The following SRGAP3 variants were observed in gnomAD, a reference collection of about 807,000 sequenced individuals.
SRGAP3 encodes SLIT-ROBO Rho GTPase-activating protein 3.
A neutral mutation model predicts 121.1 loss-of-function variants in SRGAP3; 39 were observed. That is an observed-to-expected ratio of 0.32 (90% CI 0.25 to 0.42). The LOEUF (loss-of-function observed/expected upper bound fraction) is 0.42, where lower values mean the gene tolerates loss of function less well. SRGAP3 is among the 10% of genes least tolerant of loss of function. The pLI, the probability that SRGAP3 is intolerant of heterozygous loss-of-function variation, is 1.00. For missense variants in SRGAP3, 1,213 were observed against 1,470.6 expected, an observed-to-expected ratio of 0.82 and a Z score of 2.86; for synonymous variants, 601 against 570.0, an observed-to-expected ratio of 1.05 and a Z score of -0.77.
intron 1 of SRGAP3, among the ~76,000 whole-genome samples, chr3:9,230,829 C>T (rs1953178905): frequency 6.8e-6 from 1 of 146,596 alleles, no homozygotes; most frequent in African/African-American, 2.5e-5. Flanking sequence ...GGCGCCACTG[C>T]ATTCCAGCCT....
At chr3:9,032,859 T>A (rs1379721754) in intron 11 of SRGAP3, 107 bp from the exon 12 acceptor site, 2 of 1,001,248 alleles carry the variant, frequency 2.0e-6, no homozygotes, top group African/African-American at 3.2e-5. Context: ...AAAATGTAAA[T>A]GGAAGCCCCT....
intron 3 of SRGAP3, among the ~76,000 whole-genome samples, chr3:9,310,605 T>G (rs946276184): frequency 2.0e-5 from 3 of 152,156 alleles, no homozygotes; most frequent in African/African-American, 7.2e-5. Flanking sequence ...GATATAAGGT[T>G]ACAAGGTCTG....
chr3:9,076,592 T>C (rs1946985585), intron 4 of SRGAP3, among the ~76,000 whole-genome samples: 1 of 152,110 alleles, frequency 6.6e-6, no homozygotes, highest in Non-Finnish European at 1.5e-5. Flanking sequence ...TCTCTCTTCC[T>C]CTCATTCCCT....
chr3:9,241,950 C>T (rs889845498), intron 1 of SRGAP3, among the ~76,000 whole-genome samples: 16 of 151,698 alleles, frequency 1.1e-4, no homozygotes, highest in South Asian at 4.2e-4. Flanking sequence ...TGGTGGTGTG[C>T]GCCTATAGTC....
chr3:9,340,310 C>T (rs2596930), intron 1 of SRGAP3, among the ~76,000 whole-genome samples: 20,971 of 152,158 alleles, frequency 0.14, 2,089 homozygotes, highest in East Asian at 0.36. Flanking sequence ...CTCTCTTCCC[C>T]CTCCTGCTTC....
intron 1 of SRGAP3, among the ~76,000 whole-genome samples, chr3:9,352,076 A>G (rs2030199553): frequency 6.6e-6 from 1 of 152,096 alleles, no homozygotes; most frequent in African/African-American, 2.4e-5. Context: ...CTTTAAGGCC[A>G]TCTAATCGAC....
intron 14 of SRGAP3, among the ~76,000 whole-genome samples, chr3:9,021,983 C>T (rs1392694552): frequency 6.6e-6 from 1 of 152,052 alleles, no homozygotes; most frequent in Non-Finnish European, 1.5e-5. Context: ...TGGAAGGGTG[C>T]TGAAGTGGGA....
chr3:9,095,504 T>C (rs917294933), intron 3 of SRGAP3, among the ~76,000 whole-genome samples: 2 of 152,194 alleles, frequency 1.3e-5, no homozygotes, highest in Non-Finnish European at 2.9e-5. Context: ...GGAAAGTATA[T>C]GTTTATGTAT....
chr3:9,016,374 C>T (rs1319328604), intron 14 of SRGAP3, among the ~76,000 whole-genome samples: 1 of 152,100 alleles, frequency 6.6e-6, no homozygotes, highest in East Asian at 1.9e-4. Context: ...TTCTGAAGAG[C>T]CCTGGCCAGT....
chr3:9,039,684 G>T (rs1251893748), intron 10 of SRGAP3, among the ~76,000 whole-genome samples: 1 of 151,860 alleles, frequency 6.6e-6, no homozygotes, highest in Non-Finnish European at 1.5e-5. Flanking sequence ...TCTACTCTCT[G>T]TCTCTACAGA....
chr3:9,280,706 G>A (rs1282951750), intron 3 of SRGAP3, among the ~76,000 whole-genome samples: 1 of 152,160 alleles, frequency 6.6e-6, no homozygotes, highest in Non-Finnish European at 1.5e-5. Flanking sequence ...TGCCGGATAT[G>A]ACAGTACCCA....
At chr3:9,009,889 G>T (rs1264556148) in intron 18 of SRGAP3, among the ~76,000 whole-genome samples, 1 of 152,192 alleles carries the variant, frequency 6.6e-6, no homozygotes, top group East Asian at 1.9e-4. Flanking sequence ...CAGACTGGGA[G>T]TTCCTCAAGG....
chr3:9,073,593 A>C (rs549954484), intron 4 of SRGAP3, among the ~76,000 whole-genome samples: 112 of 152,330 alleles, frequency 7.4e-4, no homozygotes, highest in Non-Finnish European at 1.1e-3. Flanking sequence ...TCTGTGCCTC[A>C]GATTTCTCAT....
At chr3:9,147,243 G>T (rs1300097552) in intron 1 of SRGAP3, among the ~76,000 whole-genome samples, 3 of 152,108 alleles carry the variant, frequency 2.0e-5, no homozygotes, top group Non-Finnish European at 4.4e-5. Context: ...AGCCTGCCAG[G>T]CCCCCACCTT....
In SRGAP3 at chr3:9,032,767, A is replaced by T; in HGVS notation, c.1437-15T>A. On this transcript the variant is annotated splice_polypyrimidine_tract_variant and intron_variant, in intron 11 of 21. Transcript: ENST00000383836. ...GACAGGGGGGCCTAGGGGAAAACGG[A>T]ACAAAAGAAATCAAGAAAGCAACCA... 6.2e-7 allele frequency: 1 copy of T among 1,609,804 alleles called. No individual in the cohort carries two copies. Among genetic ancestry groups the T allele is most frequent in the Non-Finnish European group, 8.5e-7 (1 of 1,176,298 alleles).
intron 4 of SRGAP3, among the ~76,000 whole-genome samples, chr3:9,072,071 CA>C (rs1946748246): frequency 6.6e-6 from 1 of 152,152 alleles, no homozygotes; most frequent in South Asian, 2.1e-4. Flanking sequence ...TTGCAAAAGG[CA>C]GACTTCCTTC....
intron 3 of SRGAP3, among the ~76,000 whole-genome samples, chr3:9,092,911 G>T: frequency 6.6e-6 from 1 of 151,986 alleles, no homozygotes; most frequent in East Asian, 1.9e-4. Context: ...CACATACTCA[G>T]GAGTAATCTT....
chr3:9,070,383 A>T (rs1946644036), intron 4 of SRGAP3, among the ~76,000 whole-genome samples: 1 of 152,368 alleles, frequency 6.6e-6, no homozygotes, highest in South Asian at 2.1e-4. Context: ...AGGCCAGTGC[A>T]TGACTGAGAC....
chr3:9,240,587 TA>T (rs1264898869), intron 1 of SRGAP3, among the ~76,000 whole-genome samples: 4 of 152,098 alleles, frequency 2.6e-5, no homozygotes, highest in African/African-American at 9.6e-5. Flanking sequence ...GATCACCAAC[TA>T]GATGGTGGGC....
Sources: gnomAD v4.1 joint callset for allele counts (sites outside exome capture counted in the v4.1 genomes callset) on GRCh38, gnomAD v4.1.1 for gene constraint, MANE v1.5 for transcripts, NCBI Gene and HGNC (gene_info 2026-07-23, HGNC 2026-07-21) for gene names.